ARL11: variants seen among roughly 807,000 people sequenced by gnomAD.
ARL11 encodes ARF like GTPase 11.
For missense variants in ARL11, 239 were observed against 250.6 expected, an observed-to-expected ratio of 0.95 and a Z score of 0.31; for synonymous variants, 91 against 111.2, an observed-to-expected ratio of 0.82 and a Z score of 1.15.
Position 49,633,590 on chromosome 13 carries a change from A to T in ARL11, c.*2552A>T, listed in dbSNP as rs1411260566. The T allele has an allele frequency of 1.2e-5, 2 of 167,014 alleles. No individual in the cohort carries two copies. The highest frequency in any genetic ancestry group is 3.9e-4 in the East Asian group (2 of 5,132). The allele number at this position is 167,014 out of a possible 1,614,324, so 10.3% of individuals were successfully genotyped here. On this transcript the variant is annotated 3_prime_UTR_variant, in exon 2 of 2. Coordinates refer to ENST00000282026, the MANE Select transcript of ARL11 (RefSeq NM_138450.6). Reference sequence around the variant, plus strand: ...CTAGATGACCATCACACAGCAAAGGAGGGAGTGGAAGAGAGATGAGAAAAT... The same window carrying T: ...CTAGATGACCATCACACAGCAAAGGTGGGAGTGGAAGAGAGATGAGAAAAT...
chr13:49,630,592 G>A lies in ARL11; in HGVS notation c.145G>A (p.Glu49Lys), dbSNP rs1290304131. The change falls in exon 2 of 2, where the codon GAG becomes AAG. Residue 49 changes from glutamate (E) to lysine (K), a missense_variant. By Grantham distance (56) the Glu-to-Lys change is moderately conservative (BLOSUM62 1). Coordinates refer to ENST00000282026, the MANE Select transcript of ARL11 (RefSeq NM_138450.6). ...ETLPTVGFNV[E>K]PLKAPGHVSL... ...CCTGCCCACTGTTGGTTTCAACGTG[G>A]AGCCTCTGAAAGCTCCTGGGCACGT... 2 of 1,614,000 alleles carry A rather than the reference G, an allele frequency of 1.2e-6. No individual in the cohort carries two copies. The highest frequency in any genetic ancestry group is 2.7e-5 in the African/African-American group (2 of 74,904).
At position 49,631,892 on chromosome 13, in the gene ARL11, C is replaced by T. The variant is rs1964891940; in HGVS notation, c.*854C>T. 6.0e-6 allele frequency: 1 copy of T among 166,870 alleles called. No individual in the cohort carries two copies. The highest frequency in any genetic ancestry group is 6.6e-5 in the Admixed American group (1 of 15,248). The allele number at this position is 166,870 out of a possible 1,614,324, so 10.3% of individuals were successfully genotyped here. ...ATCATCTGGACATGTCACAATGGAT[C>T]GCGGATCCTTATGAGTGATTTTCCC... On this transcript the variant is annotated 3_prime_UTR_variant, in exon 2 of 2. Transcript: ENST00000282026.
chr13:49,630,844 C>G lies in ARL11; in HGVS notation c.397C>G (p.Leu133Val). ...GGAGGCACCTGATGCACTTCCGCTG[C>G]TTAAGATCAGAAACAGGCTGAGTCT... ...KQEAPDALPL[L>V]KIRNRLSLER... Residue 133 changes from leucine to valine, a missense_variant, in exon 2 of 2, where the codon CTT becomes GTT. By Grantham distance (32) the Leu-to-Val change is conservative (BLOSUM62 1). Coordinates refer to ENST00000282026, the MANE Select transcript of ARL11 (RefSeq NM_138450.6). 1 of 1,601,712 alleles carries G rather than the reference C, an allele frequency of 6.2e-7. No individual in the cohort carries two copies. Among genetic ancestry groups the G allele is most frequent in the Middle Eastern group, 1.7e-4 (1 of 6,002 alleles).
rs147120792 is a variant in ARL11, at chr13:49,630,839, C to T, written c.392C>T (p.Pro131Leu). The T allele has an allele frequency of 0.031, 49,843 of 1,603,552 alleles. 1,001 individuals carry two copies. Among genetic ancestry groups the T allele is most frequent in the South Asian group, 0.036 (3,251 of 90,250 alleles). ...ANKQEAPDAL[P>L]LLKIRNRLSL... The stretch of plus-strand genomic sequence containing the variant: ...AAGCAGGAGGCACCTGATGCACTTC[C>T]GCTGCTTAAGATCAGAAACAGGCTG... The change falls in exon 2 of 2, where the codon CCG (proline) becomes CTG (leucine). Residue 131 changes from proline to leucine, a missense_variant. By Grantham distance (98) the Pro-to-Leu change is moderately conservative (BLOSUM62 -3). Transcript: ENST00000282026.
Position 49,630,644 on chromosome 13 carries a change from G to A in ARL11, c.197G>A (p.Gly66Glu), listed in dbSNP as rs1332128095. 8.1e-6 allele frequency: 13 copies of A among 1,614,022 alleles called. No homozygotes were observed. In the South Asian group the frequency reaches 1.1e-4, roughly 14 times the overall value. The change falls in exon 2 of 2, where the codon GGG becomes GAG. Residue 66 changes from glycine to glutamate, a missense_variant. By Grantham distance (98) the Gly-to-Glu change is moderately conservative. Coordinates refer to ENST00000282026, the MANE Select transcript of ARL11 (RefSeq NM_138450.6). ...HVSLTLWDVGGQAPLRASWKD... is the reference protein window; with the variant it reads ...HVSLTLWDVGEQAPLRASWKD... ...TCACTGACTCTCTGGGACGTTGGGG[G>A]GCAGGCCCCGCTCAGAGCCAGCTGG...
At position 49,631,317 on chromosome 13, in the gene ARL11, A is replaced by G. The variant is rs1203417137; in HGVS notation, c.*279A>G. The G allele has an allele frequency of 3.6e-6, 1 of 280,110 alleles. No homozygotes were observed. The highest frequency in any genetic ancestry group is 8.1e-5 in the East Asian group (1 of 12,404). 17.4% of individuals were successfully genotyped at this position (280,110 alleles called of 1,614,324 possible). ...CTACTTGGGAGGCTGAGGCAGGAGA[A>G]TCGCTTGAGCCCAAGAGGTAGAGGT... On this transcript the variant is annotated 3_prime_UTR_variant, in exon 2 of 2. Transcript: ENST00000282026.
chr13:49,630,476 A>G lies in ARL11; in HGVS notation c.29A>G (p.Lys10Arg). 1 of 1,613,158 alleles carries G rather than the reference A, an allele frequency of 6.2e-7. No homozygotes were observed. Among genetic ancestry groups the G allele is most frequent in the South Asian group, 1.1e-5 (1 of 91,048 alleles). ...GGTTCTGTGAATTCCAGAGGTCACA[A>G]GGCGGAAGCCCAGGTGGTGATGATG... MGSVNSRGHKAEAQVVMMGL... is the reference protein window; with the variant it reads MGSVNSRGHRAEAQVVMMGL... The change falls in exon 2 of 2, where the codon AAG (lysine) becomes AGG (arginine). Residue 10 changes from lysine (K) to arginine (R), a missense_variant. Coordinates refer to ENST00000282026, the MANE Select transcript of ARL11 (RefSeq NM_138450.6).
chr13:49,630,173 A>C, intron 1 of ARL11: 1 of 364,484 alleles, frequency 2.7e-6, no homozygotes, highest in Non-Finnish European at 5.1e-6. Context: ...GACCCTGTGA[A>C]GACTTTTCCT....
Position 49,631,107 on chromosome 13 carries a change from C to T in ARL11, c.*69C>T. The stretch of plus-strand genomic sequence containing the variant: ...CCAGCTGATCCTTGAGAAATTTACG[C>T]TTAGTCTATCAAACAAGAAATGCTG... On this transcript the variant is annotated 3_prime_UTR_variant, in exon 2 of 2. Transcript: ENST00000282026. 1 of 1,396,846 alleles carries T rather than the reference C, an allele frequency of 7.2e-7. No individual in the cohort carries two copies. The allele number at this position is 1,396,846 out of a possible 1,614,324, so 86.5% of individuals were successfully genotyped here.
chr13:49,631,187 G>T lies in ARL11; in HGVS notation c.*149G>T, dbSNP rs560690907. 2.9e-6 allele frequency: 2 copies of T among 682,080 alleles called. No individual in the cohort carries two copies. The highest frequency in any genetic ancestry group is 2.3e-5 in the South Asian group (1 of 42,752). 42.3% of individuals were successfully genotyped at this position (682,080 alleles called of 1,614,324 possible). A position where few individuals can be genotyped will look rare whatever the true frequency, so the allele number is the denominator to read the frequency against. On this transcript the variant is annotated 3_prime_UTR_variant, in exon 2 of 2. Coordinates refer to ENST00000282026, the MANE Select transcript of ARL11 (RefSeq NM_138450.6). ...CCAGCACTGTGGGAGACCACGGTGGGGGAATCCCTTGAGCCCAGGAGTTGG... is the reference window on the plus strand; with the variant it reads ...CCAGCACTGTGGGAGACCACGGTGGTGGAATCCCTTGAGCCCAGGAGTTGG...
Position 49,630,683 on chromosome 13 carries a change from A to G in ARL11, c.236A>G (p.Glu79Gly), listed in dbSNP as rs1435268015. Residue 79 changes from glutamate (E) to glycine (G), a missense_variant, in exon 2 of 2, where the codon GAA (glutamate) becomes GGA (glycine). Transcript: ENST00000282026. ...PLRASWKDYL[E>G]GTDILVYVLD... ...AGAGCCAGCTGGAAGGACTATCTGG[A>G]AGGCACAGATATCCTCGTGTACGTG... 3 of 1,614,086 alleles carry G rather than the reference A, an allele frequency of 1.9e-6. No individual in the cohort carries two copies. The Admixed American group carries it at 5.0e-5, about 27-fold the overall frequency.
Position 49,630,282 on chromosome 13 carries a change from G to A in ARL11, c.-18-148G>A, listed in dbSNP as rs540757561. The A allele has an allele frequency of 1.8e-4, 107 of 600,118 alleles. 1 individual carries two copies. The highest frequency in any genetic ancestry group is 1.8e-3 in the African/African-American group (95 of 54,102). 37.2% of individuals were successfully genotyped at this position (600,118 alleles called of 1,614,324 possible). ...AGGCGGGTCCTTGCTTTGTTGCCTC[G>A]GCTTGTTTGAAACTCCTGGGCTCAA... On this transcript the variant is annotated intron_variant, in intron 1 of 1. Transcript: ENST00000282026.
At chr13:49,629,166 G>A (rs1369903686) in intron 1 of ARL11, among the ~76,000 whole-genome samples, 1 of 152,168 alleles carries the variant, frequency 6.6e-6, no homozygotes, top group Middle Eastern at 3.2e-3. Flanking sequence ...GGGAGGCTGA[G>A]GTGGGAGGAT....
At position 49,630,754 on chromosome 13, in the gene ARL11, C is replaced by T. The variant is rs2137460494; in HGVS notation, c.307C>T (p.Leu103Phe). 1 of 1,614,130 alleles carries T rather than the reference C, an allele frequency of 6.2e-7. No individual in the cohort carries two copies. Among genetic ancestry groups the T allele is most frequent in the East Asian group, 2.2e-5 (1 of 44,874 alleles). Residue 103 changes from leucine (L) to phenylalanine (F), a missense_variant, in exon 2 of 2, where the codon CTC becomes TTC. Leu to Phe is a conservative substitution (Grantham distance 22). Coordinates refer to ENST00000282026, the MANE Select transcript of ARL11 (RefSeq NM_138450.6). ...EARLPESAAE[L>F]TEVLNDPNMA... ...CCGCTTACCCGAGTCGGCGGCTGAGCTCACAGAAGTCCTGAACGACCCCAA... is the reference window on the plus strand; with the variant it reads ...CCGCTTACCCGAGTCGGCGGCTGAGTTCACAGAAGTCCTGAACGACCCCAA...
chr13:49,629,422 C>T (rs959603456), intron 1 of ARL11, among the ~76,000 whole-genome samples: 4 of 152,108 alleles, frequency 2.6e-5, no homozygotes, highest in African/African-American at 9.7e-5. Context: ...ATAAATAGCC[C>T]CAGTCAGGCA....
intron 1 of ARL11, among the ~76,000 whole-genome samples, chr13:49,628,891 T>C (rs1471048293): frequency 6.6e-6 from 1 of 152,196 alleles, no homozygotes; most frequent in Non-Finnish European, 1.5e-5. Flanking sequence ...AGGAGTTCAA[T>C]ACCAGCCAGG....
chr13:49,629,392 GC>G (rs1474443014), intron 1 of ARL11, among the ~76,000 whole-genome samples: 1 of 152,120 alleles, frequency 6.6e-6, no homozygotes, highest in African/African-American at 2.4e-5. Context: ...TCATAAATTT[GC>G]CCCCAGTAAA....
In ARL11 at chr13:49,633,812, A is replaced by T. The variant is rs569893144; in HGVS notation, c.*2774A>T. The T allele has an allele frequency of 6.0e-6, 1 of 167,196 alleles. No individual in the cohort carries two copies. The highest frequency in any genetic ancestry group is 6.5e-5 in the Admixed American group (1 of 15,298). 10.4% of individuals were successfully genotyped at this position (167,196 alleles called of 1,614,324 possible). On this transcript the variant is annotated 3_prime_UTR_variant, in exon 2 of 2. Coordinates refer to ENST00000282026, the MANE Select transcript of ARL11 (RefSeq NM_138450.6). ...TACGTGTTTGGTTATAGCTGCTTTC[A>T]GATTGTTCCATTATCTGTACTCCCA...
At position 49,631,131 on chromosome 13, in the gene ARL11, T is replaced by C; in HGVS notation, c.*93T>C. ...GCTTAGTCTATCAAACAAGAAATGC[T>C]GGCTTGGCCCGGTGGCTCATGCCTG... On this transcript the variant is annotated 3_prime_UTR_variant, in exon 2 of 2. Transcript: ENST00000282026. The C allele has an allele frequency of 1.6e-6, 2 of 1,277,366 alleles. No individual in the cohort carries two copies. The highest frequency in any genetic ancestry group is 2.1e-6 in the Non-Finnish European group (2 of 933,126). 79.1% of individuals were successfully genotyped at this position (1,277,366 alleles called of 1,614,324 possible).
Sources: allele counts gnomAD v4.1 joint callset (sites outside exome capture counted in the v4.1 genomes callset), GRCh38; gene constraint gnomAD v4.1.1; transcripts MANE v1.5; gene names NCBI Gene and HGNC (gene_info 2026-07-23, HGNC 2026-07-21).